Variants in M1AP observed in about 807,000 individuals in gnomAD.
M1AP encodes meiosis 1 associated protein.
M1AP carries 39 observed loss-of-function variants against 51.2 expected under a neutral mutation model. The ratio of observed to expected loss-of-function variants is 0.76; its 90% CI spans 0.59 to 1.00. The LOEUF (loss-of-function observed/expected upper bound fraction) is 1.00. Ranked by LOEUF, M1AP falls within the 50% of genes least tolerant of loss-of-function variation. The pLI is 0.00. For synonymous variants in M1AP, 251 were observed against 249.2 expected (o/e 1.01, Z -0.07); for missense variants, 545 against 641.2 (o/e 0.85, Z 1.62).
intron 2 of M1AP, among the ~76,000 whole-genome samples, chr2:74,638,449 C>T (rs955409437): frequency 2.0e-5 from 3 of 152,110 alleles, no homozygotes; most frequent in African/African-American, 4.8e-5. Context: ...GGTAAATCAG[C>T]TTGCTGTTAT....
chr2:74,608,785 G>A (rs1681159012), intron 3 of M1AP, among the ~76,000 whole-genome samples: 2 of 152,198 alleles, frequency 1.3e-5, no homozygotes, highest in Admixed American at 6.5e-5. Flanking sequence ...ATTTTAATAG[G>A]TATGTGGTGG....
At position 74,640,563 on chromosome 2, in the gene M1AP, C is replaced by T. The variant is rs189641765; in HGVS notation, c.-52-236G>A. Among the ~76,000 whole-genome samples the T allele has an allele frequency of 8.6e-5, 13 of 151,588 alleles. No individual in the cohort carries two copies. The East Asian group carries it at 1.6e-3, about 18-fold the overall frequency. ...GCAACCTCTGTCTCCCAGGTTCAAG[C>T]GATTCTCCTGCTTCAGCTTCCCGAG... On this transcript the variant is annotated intron_variant, in intron 1 of 10. Transcript: ENST00000421985.
intron 4 of M1AP, among the ~76,000 whole-genome samples, chr2:74,585,552 G>A (rs1679658933): frequency 6.6e-6 from 1 of 152,206 alleles, no homozygotes; most frequent in South Asian, 2.1e-4. Flanking sequence ...ACCCATCGAT[G>A]TTCTGACATT....
intron 7 of M1AP, among the ~76,000 whole-genome samples, chr2:74,569,977 T>G (rs1328748934): frequency 6.7e-6 from 1 of 150,028 alleles, no homozygotes; most frequent in Non-Finnish European, 1.5e-5. Flanking sequence ...AATTGAGGAG[T>G]GGGGGAAGAA....
chr2:74,633,935 A>G (rs1682834326), intron 2 of M1AP, among the ~76,000 whole-genome samples: 1 of 152,156 alleles, frequency 6.6e-6, no homozygotes, highest in South Asian at 2.1e-4. Flanking sequence ...TGTGCCATCT[A>G]TCTGTTTCTT....
intron 2 of M1AP, among the ~76,000 whole-genome samples, chr2:74,636,538 C>T (rs1395553178): frequency 6.6e-6 from 1 of 152,028 alleles, no homozygotes; most frequent in East Asian, 1.9e-4. Flanking sequence ...TTTTCTTTTA[C>T]ATACCTTCCA....
chr2:74,608,900 T>C (rs1316029171), intron 3 of M1AP, among the ~76,000 whole-genome samples: 1 of 152,258 alleles, frequency 6.6e-6, no homozygotes, highest in Non-Finnish European at 1.5e-5. Context: ...AGGTATCTGA[T>C]AAGGTCTTTG....
intron 4 of M1AP, among the ~76,000 whole-genome samples, chr2:74,604,801 C>G (rs556600076): frequency 2.6e-5 from 4 of 152,060 alleles, no homozygotes; most frequent in Non-Finnish European, 2.9e-5. Context: ...TTTTTCAGTA[C>G]GTAAATATCA....
intron 1 of M1AP, among the ~76,000 whole-genome samples, chr2:74,641,010 G>C (rs540047972): frequency 6.6e-6 from 1 of 152,324 alleles, no homozygotes; most frequent in South Asian, 2.1e-4. Flanking sequence ...AACCTGTCTT[G>C]TTGATATTAT....
chr2:74,561,091 A>AAGGAGGAGGAGG (rs1677910269), intron 8 of M1AP, among the ~76,000 whole-genome samples: 1 of 47,900 alleles, frequency 2.1e-5, no homozygotes, highest in African/African-American at 8.5e-5. Flanking sequence ...GGAGGAGGAG[A>AAGGAGGAGGAGG]AGGAGAAGGA....
chr2:74,610,893 T>C (rs527252895), intron 3 of M1AP, among the ~76,000 whole-genome samples: 1 of 152,346 alleles, frequency 6.6e-6, no homozygotes, highest in East Asian at 1.9e-4. Flanking sequence ...TGAAGTGATG[T>C]TGAATTTTAT....
At chr2:74,564,851 T>C (rs1678270654) in intron 7 of M1AP, among the ~76,000 whole-genome samples, 1 of 152,190 alleles carries the variant, frequency 6.6e-6, no homozygotes, top group African/African-American at 2.4e-5. Flanking sequence ...GCTCAGGATT[T>C]GGATTATTAG....
chr2:74,648,126 C>T (rs903829846), intron 1 of M1AP, 139 bp downstream of exon 1: 2 of 976,766 alleles, frequency 2.0e-6, no homozygotes, highest in African/African-American at 1.7e-5. Flanking sequence ...GTCAGTCTTG[C>T]GCCGGCACCC....
rs555284036 is a variant in M1AP, at chr2:74,616,304, T to C, written c.241-1155A>G. Among the ~76,000 whole-genome samples the C allele has an allele frequency of 9.2e-4, 140 of 152,290 alleles. 1 individual carries two copies. Among genetic ancestry groups the C allele is most frequent in the Admixed American group, 5.0e-3 (76 of 15,298 alleles). On this transcript the variant is annotated intron_variant, in intron 2 of 10. Coordinates refer to ENST00000421985, the MANE Select transcript of M1AP (RefSeq NM_001321739.2). Reference sequence around the variant, plus strand: ...ACATCTATATTTTAAAATTCCAACTTTATAAGTGGTTGCTAACGATGTAAC... The same window carrying C: ...ACATCTATATTTTAAAATTCCAACTCTATAAGTGGTTGCTAACGATGTAAC...
intron 7 of M1AP, among the ~76,000 whole-genome samples, chr2:74,565,674 C>G (rs906040099): frequency 6.6e-6 from 1 of 151,740 alleles, no homozygotes; most frequent in South Asian, 2.1e-4. Flanking sequence ...TAAAAAAATA[C>G]AAAAATTAGC....
chr2:74,633,594 C>T (rs1264352759), intron 2 of M1AP, among the ~76,000 whole-genome samples: 1 of 152,120 alleles, frequency 6.6e-6, no homozygotes, highest in Non-Finnish European at 1.5e-5. Flanking sequence ...GAATTGAGCC[C>T]AATCTCTCTT....
At chr2:74,575,650 T>G in intron 6 of M1AP, 71 bp from the exon 7 acceptor site, 2 of 1,205,666 alleles carry the variant, frequency 1.7e-6, no homozygotes, top group Non-Finnish European at 1.2e-6. Flanking sequence ...CCACTTCAAT[T>G]CAGCTTAACT....
rs889186322 is a variant in M1AP, at chr2:74,561,842, C to CA, written c.1281+374dup. The CA allele has an allele frequency of 7.5e-5, 73 of 974,840 alleles. No individual in the cohort carries two copies. In the African/African-American group the frequency reaches 1.1e-3, roughly 15 times the overall value. The allele number at this position is 974,840 out of a possible 1,614,324, so 60.4% of individuals were successfully genotyped here. On this transcript the variant is annotated intron_variant, in intron 8 of 10. Coordinates refer to ENST00000421985, the MANE Select transcript of M1AP (RefSeq NM_001321739.2). ...GTGCCCTGGCCTGACATCAGGTTTC[C>CA]ACTCTGTGATGCTCCCTTTTCTCCT...
At chr2:74,592,456 T>C (rs1446854575) in intron 4 of M1AP, among the ~76,000 whole-genome samples, 1 of 152,200 alleles carries the variant, frequency 6.6e-6, no homozygotes, top group Non-Finnish European at 1.5e-5. Flanking sequence ...TTGAATTATG[T>C]GTTTATGACT....
Sources: gnomAD v4.1 joint callset for allele counts (sites outside exome capture counted in the v4.1 genomes callset) on GRCh38, gnomAD v4.1.1 for gene constraint, MANE v1.5 for transcripts, NCBI Gene and HGNC (gene_info 2026-07-23, HGNC 2026-07-21) for gene names.